The following FAF2 variants were observed in gnomAD, a reference collection of about 807,000 sequenced individuals.
FAF2 encodes the protein Fas associated factor family member 2, also known as FAS-associated factor 2.
Under a neutral mutation model 62.3 loss-of-function variants are expected in FAF2, and 9 were observed. The observed-to-expected ratio is 0.14, with a 90% confidence interval of 0.09 to 0.25. The LOEUF (loss-of-function observed/expected upper bound fraction) is 0.25, where lower values mean the gene tolerates loss of function less well. FAF2 is among the 10% of genes least tolerant of loss of function. The probability of loss-of-function intolerance (pLI) is 1.00; values close to 1 mark genes in which losing one functional copy is unlikely to be tolerated. For missense variants in FAF2, 368 were observed against 556.2 expected (o/e 0.66, Z 3.40); for synonymous variants, 202 against 198.0 (o/e 1.02, Z -0.17).
chr5:176,467,700 G>T (rs1450392707), intron 1 of FAF2, among the ~76,000 whole-genome samples: 2 of 152,172 alleles, frequency 1.3e-5, no homozygotes, highest in Non-Finnish European at 2.9e-5. Flanking sequence ...ACCCAAATTG[G>T]TATGGGATAC....
At chr5:176,492,981 T>C (rs969674385) in intron 5 of FAF2, among the ~76,000 whole-genome samples, 1 of 152,216 alleles carries the variant, frequency 6.6e-6, no homozygotes, top group Admixed American at 6.5e-5. Context: ...CTCAGCCATG[T>C]AGACCTTTGA....
rs531777481 is a variant in FAF2 at position 176,458,544 on chromosome 5, C to T, written c.63+10074C>T. Among the ~76,000 whole-genome samples, 13 of 147,930 alleles carry T rather than the reference C, an allele frequency of 8.8e-5. 1 individual carries two copies. In the South Asian group the frequency reaches 2.8e-3, roughly 32 times the overall value. On this transcript the variant is annotated intron_variant, in intron 1 of 10. Coordinates refer to ENST00000261942, the MANE Select transcript of FAF2 (RefSeq NM_014613.3). ...TCAGCTTCCCGAGTAGCTGGGATTA[C>T]AGGCGCGTGCCACCACACCCAGCTA...
intron 1 of FAF2, among the ~76,000 whole-genome samples, chr5:176,465,873 C>T (rs72807249): frequency 0.019 from 2,948 of 152,076 alleles, 64 homozygotes; most frequent in Non-Finnish European, 0.024. Context: ...GAAAAGAAAA[C>T]GATTTCAAGT....
chr5:176,459,051 G>A (rs952950229), intron 1 of FAF2, among the ~76,000 whole-genome samples: 1 of 152,034 alleles, frequency 6.6e-6, no homozygotes, highest in African/African-American at 2.4e-5. Context: ...GTTTTGGGGG[G>A]TTCAAACTGA....
chr5:176,503,432 G>A (rs960487554), intron 10 of FAF2, among the ~76,000 whole-genome samples: 1 of 152,004 alleles, frequency 6.6e-6, no homozygotes, highest in Non-Finnish European at 1.5e-5. Context: ...GCGTGGGCCT[G>A]TAATCCCAGC....
intron 4 of FAF2, among the ~76,000 whole-genome samples, chr5:176,490,114 A>G (rs919475588): frequency 6.6e-6 from 1 of 152,078 alleles, no homozygotes; most frequent in Non-Finnish European, 1.5e-5. Context: ...GATCAAGACC[A>G]TCCTGGCTAA....
chr5:176,461,724 A>G (rs899083861), intron 1 of FAF2, among the ~76,000 whole-genome samples: 1 of 151,728 alleles, frequency 6.6e-6, no homozygotes, highest in South Asian at 2.1e-4. Context: ...TCAGATTCAT[A>G]GTTTGCGAAG....
chr5:176,495,641 A>G (rs989047353), intron 7 of FAF2, among the ~76,000 whole-genome samples: 25 of 151,558 alleles, frequency 1.6e-4, no homozygotes, highest in African/African-American at 6.1e-4. Context: ...CCTCTCGCCT[A>G]TCTGGAATTA....
chr5:176,448,646 C>G (rs374644464), intron 1 of FAF2, among the ~76,000 whole-genome samples, 176 bp downstream of exon 1: 1 of 151,844 alleles, frequency 6.6e-6, no homozygotes, highest in Non-Finnish European at 1.5e-5. Flanking sequence ...TCTGTTGGAC[C>G]CTAGCCTTCC....
At chr5:176,475,704 GT>G (rs1758676491) in intron 1 of FAF2, among the ~76,000 whole-genome samples, 1 of 152,056 alleles carries the variant, frequency 6.6e-6, no homozygotes. Context: ...GGAGGCGCAG[GT>G]TGCAGTGAGC....
At position 176,507,526 on chromosome 5, in the gene FAF2, ATT is replaced by A. The variant is rs199691271; in HGVS notation, c.*582_*583del. On this transcript the variant is annotated 3_prime_UTR_variant, in exon 11 of 11. Coordinates refer to ENST00000261942, the MANE Select transcript of FAF2 (RefSeq NM_014613.3). ...GAGGCTGACATAGGTATATATATAT[ATT>A]TTTTTCCTTTATTTGATAAAGAGCC... 1 of 166,316 alleles carries A rather than the reference ATT, an allele frequency of 6.0e-6. No individual in the cohort carries two copies. Among genetic ancestry groups the A allele is most frequent in the Non-Finnish European group, 1.3e-5 (1 of 76,068 alleles). 10.3% of individuals were successfully genotyped at this position (166,316 alleles called of 1,614,324 possible).
At chr5:176,504,445 A>G (rs571513940) in intron 10 of FAF2, among the ~76,000 whole-genome samples, 1 of 152,176 alleles carries the variant, frequency 6.6e-6, no homozygotes, top group East Asian at 1.9e-4. Flanking sequence ...TTAGCTGGGC[A>G]TGGTGGTGCG....
rs115863128 is a variant in FAF2, at chr5:176,484,445, T to C, written c.133-1910T>C. ...TATACAAGACCCACCTGTTAGTCAG[T>C]TAGTAGCCGTTATCAGATCAACTGT... On this transcript the variant is annotated intron_variant, in intron 2 of 10. Transcript: ENST00000261942. Among the ~76,000 whole-genome samples the C allele has an allele frequency of 6.4e-3, 979 of 152,320 alleles. 15 individuals carry two copies. Among genetic ancestry groups the C allele is most frequent in the African/African-American group, 0.022 (921 of 41,564 alleles).
chr5:176,454,868 TA>T (rs1758255872), intron 1 of FAF2, among the ~76,000 whole-genome samples: 1 of 152,210 alleles, frequency 6.6e-6, no homozygotes, highest in Non-Finnish European at 1.5e-5. Context: ...CTCTACTCTG[TA>T]ATGCACTCAA....
intron 1 of FAF2, among the ~76,000 whole-genome samples, chr5:176,470,033 C>G (rs911390243): frequency 6.6e-6 from 1 of 152,244 alleles, no homozygotes; most frequent in African/African-American, 2.4e-5. Context: ...CTGTAAAGAT[C>G]AAAGGCAGAG....
chr5:176,506,618 A>C, intron 10 of FAF2, 150 bp from the exon 11 acceptor site: 1 of 630,624 alleles, frequency 1.6e-6, no homozygotes. Context: ...AAAAGATTAG[A>C]ATTCCAGTGT....
intron 10 of FAF2, among the ~76,000 whole-genome samples, chr5:176,502,753 T>C (rs1398793472): frequency 6.6e-6 from 1 of 151,976 alleles, no homozygotes; most frequent in Non-Finnish European, 1.5e-5. Flanking sequence ...AAGCTGTTTT[T>C]TAAAAAAGAG....
chr5:176,464,178 A>T (rs1758426551), intron 1 of FAF2, among the ~76,000 whole-genome samples: 1 of 152,076 alleles, frequency 6.6e-6, no homozygotes, highest in East Asian at 1.9e-4. Context: ...GCTGTCCTTA[A>T]GGCCTTAAGG....
chr5:176,458,618 C>G (rs999339227), intron 1 of FAF2, among the ~76,000 whole-genome samples: 3 of 151,638 alleles, frequency 2.0e-5, no homozygotes, highest in African/African-American at 7.3e-5. Context: ...GTTGGCCAGG[C>G]TGGTGTCAAA....
Sources: allele counts gnomAD v4.1 joint callset (sites outside exome capture counted in the v4.1 genomes callset), GRCh38; gene constraint gnomAD v4.1.1; transcripts MANE v1.5; gene names NCBI Gene and HGNC (gene_info 2026-07-23, HGNC 2026-07-21).